TADA2A: variants seen among roughly 807,000 people sequenced by gnomAD.
TADA2A encodes the protein transcriptional adapter 2-alpha.
TADA2A carries 38 observed loss-of-function variants against 67.4 expected under a neutral mutation model. That is an observed-to-expected ratio of 0.56 (90% CI 0.44 to 0.74). TADA2A has a LOEUF of 0.74. Among genes scored for constraint, TADA2A ranks in the 30% least tolerant of loss-of-function variants. TADA2A has a pLI of 0.00. For missense variants in TADA2A, 454 were observed against 547.0 expected, an observed-to-expected ratio of 0.83 and a Z score of 1.70; for synonymous variants, 192 against 181.6, an observed-to-expected ratio of 1.06 and a Z score of -0.46.
chr17:37,461,028 TCTAAA>T (rs2053535543), intron 9 of TADA2A, among the ~76,000 whole-genome samples: 1 of 151,996 alleles, frequency 6.6e-6, no homozygotes, highest in Admixed American at 6.6e-5. Context: ...TAAGATGTGA[TCTAAA>T]GCAGCAGTCC....
At chr17:37,442,045 C>T (rs1392540525) in intron 6 of TADA2A, among the ~76,000 whole-genome samples, 1 of 152,096 alleles carries the variant, frequency 6.6e-6, no homozygotes, top group Non-Finnish European at 1.5e-5. Context: ...CTAACAGCAA[C>T]CCAGTGAGAT....
intron 11 of TADA2A, among the ~76,000 whole-genome samples, chr17:37,466,037 A>T (rs2053657673): frequency 6.6e-6 from 1 of 152,192 alleles, no homozygotes; most frequent in Non-Finnish European, 1.5e-5. Context: ...GCTTGTGGAG[A>T]TAGTACTTCC....
At chr17:37,444,668 GT>G in intron 7 of TADA2A, 27 bp from the exon 8 acceptor site, 1 of 1,603,232 alleles carries the variant, frequency 6.2e-7, no homozygotes, top group Non-Finnish European at 8.5e-7. Flanking sequence ...TGGGTTTGGG[GT>G]GGGGATTTTT....
chr17:37,450,378 C>T (rs539079523), intron 8 of TADA2A, among the ~76,000 whole-genome samples: 20 of 152,322 alleles, frequency 1.3e-4, no homozygotes, highest in Admixed American at 7.2e-4. Flanking sequence ...ATTGGCCTCC[C>T]TGCAGTTAAG....
intron 12 of TADA2A, among the ~76,000 whole-genome samples, chr17:37,468,618 A>AG (rs763144008): frequency 4.0e-5 from 6 of 151,326 alleles, no homozygotes; most frequent in Admixed American, 6.6e-5. Flanking sequence ...CCTCCCGCCT[A>AG]GGCCTCTCAG....
Position 37,446,105 on chromosome 17 carries a change from T to G in TADA2A, c.604+1337T>G, listed in dbSNP as rs1197985871. On this transcript the variant is annotated intron_variant, in intron 8 of 15. Coordinates refer to ENST00000615182, the MANE Select transcript of TADA2A (RefSeq NM_001166105.3). ...GCGGTGGGTTTTTTTTTGGGGGGGT[T>G]TTTTTTTTTTTTTTGGCAACATTTT... 2.0e-3 allele frequency among the ~76,000 whole-genome samples: 84 copies of G among 41,992 alleles called. No homozygotes were observed. In the East Asian group the frequency reaches 0.026, roughly 13 times the overall value. 27.5% of individuals were successfully genotyped at this position (41,992 alleles called of 152,430 possible).
chr17:37,412,201 ACT>A (rs1391565372), intron 2 of TADA2A, among the ~76,000 whole-genome samples: 2 of 143,836 alleles, frequency 1.4e-5, no homozygotes, highest in South Asian at 2.3e-4. Flanking sequence ...ACAGAGTGAG[ACT>A]CTGTCTCAAA....
intron 2 of TADA2A, among the ~76,000 whole-genome samples, chr17:37,412,764 CAA>C (rs1454443227): frequency 1.5e-5 from 2 of 131,406 alleles, no homozygotes; most frequent in East Asian, 2.3e-4. Context: ...GCCTGGGTGA[CAA>C]GAGCAAGAAT....
chr17:37,449,082 G>C (rs529691797), intron 8 of TADA2A, among the ~76,000 whole-genome samples: 1 of 151,534 alleles, frequency 6.6e-6, no homozygotes, highest in African/African-American at 2.4e-5. Context: ...GTGCAGTGGC[G>C]CGATCTTGGC....
At chr17:37,466,791 G>A (rs1205656591) in intron 11 of TADA2A, among the ~76,000 whole-genome samples, 2 of 152,106 alleles carry the variant, frequency 1.3e-5, no homozygotes. Context: ...TGTTTCAAAA[G>A]CAGCCAAATT....
At chr17:37,463,065 T>C (rs1046798001) in intron 10 of TADA2A, among the ~76,000 whole-genome samples, 16 of 151,764 alleles carry the variant, frequency 1.1e-4, no homozygotes, top group Non-Finnish European at 2.9e-5. Flanking sequence ...CTTGAACTCC[T>C]GGGTGCAAGT....
At chr17:37,449,917 AATAG>A (rs2053185968) in intron 8 of TADA2A, among the ~76,000 whole-genome samples, 1 of 152,254 alleles carries the variant, frequency 6.6e-6, no homozygotes, top group Admixed American at 6.5e-5. Flanking sequence ...ATTCCTGAGG[AATAG>A]ATATTTTCCT....
At chr17:37,426,041 CAT>C (rs1364818544) in intron 3 of TADA2A, among the ~76,000 whole-genome samples, 3 of 151,932 alleles carry the variant, frequency 2.0e-5, no homozygotes, top group African/African-American at 7.3e-5. Context: ...GTGGTATAAT[CAT>C]AGCTCACTGC....
rs1490339804 is a variant in TADA2A at position 37,423,742 on chromosome 17, C to A, written c.132+127C>A. 3.3e-5 allele frequency: 21 copies of A among 626,896 alleles called. No homozygotes were observed. In the South Asian group the frequency reaches 5.8e-4, roughly 17 times the overall value. The allele number at this position is 626,896 out of a possible 1,614,324, so 38.8% of individuals were successfully genotyped here. ...ATTAAATCTATTCCTTCCAATTTTT[C>A]TTTTTCTTTCTTTTTTTTTTTTTTT... is the stretch of plus-strand genomic sequence containing the variant. On this transcript the variant is annotated intron_variant, in intron 3 of 15. Coordinates refer to ENST00000615182, the MANE Select transcript of TADA2A (RefSeq NM_001166105.3).
chr17:37,437,531 C>T (rs1025720182), intron 4 of TADA2A, among the ~76,000 whole-genome samples: 9 of 152,070 alleles, frequency 5.9e-5, no homozygotes, highest in South Asian at 2.1e-4. Context: ...GGACTACAGG[C>T]GTGTGCCACC....
chr17:37,460,983 A>G (rs2053534105), intron 9 of TADA2A, among the ~76,000 whole-genome samples: 3 of 151,780 alleles, frequency 2.0e-5, no homozygotes, highest in South Asian at 4.2e-4. Flanking sequence ...AAAGCAAAAG[A>G]AAAAAAAGGG....
chr17:37,465,170 G>A (rs961524257), intron 10 of TADA2A, among the ~76,000 whole-genome samples: 1 of 151,886 alleles, frequency 6.6e-6, no homozygotes, highest in Non-Finnish European at 1.5e-5. Context: ...GACAGTAGAT[G>A]TGGGAGATGA....
intron 1 of TADA2A, among the ~76,000 whole-genome samples, chr17:37,410,963 G>A (rs890976976): frequency 2.0e-5 from 3 of 152,124 alleles, no homozygotes; most frequent in Non-Finnish European, 4.4e-5. Flanking sequence ...GCCACCCTCA[G>A]TGCCCCATAG....
chr17:37,444,113 C>CT (rs550903658), intron 7 of TADA2A, among the ~76,000 whole-genome samples: 115 of 152,052 alleles, frequency 7.6e-4, no homozygotes, highest in Non-Finnish European at 1.2e-3. Flanking sequence ...CAAAAATTAA[C>CT]TTGAGTGTGA....
Sources: gnomAD v4.1 joint callset for allele counts (sites outside exome capture counted in the v4.1 genomes callset) on GRCh38, gnomAD v4.1.1 for gene constraint, MANE v1.5 for transcripts, NCBI Gene and HGNC (gene_info 2026-07-23, HGNC 2026-07-21) for gene names.